Variants in KCNH8 observed in about 807,000 individuals in gnomAD.
KCNH8 encodes the protein potassium voltage-gated channel subfamily H member 8, also known as voltage-gated delayed rectifier potassium channel KCNH8.
In KCNH8, 70 loss-of-function variants were observed where a neutral mutation model predicts 103.6. The observed-to-expected ratio is 0.68, with a 90% CI of 0.56 to 0.82. The LOEUF (loss-of-function observed/expected upper bound fraction) is 0.82. KCNH8 is among the 40% of genes least tolerant of loss of function. The pLI is 0.00. For synonymous variants in KCNH8, 498 were observed against 489.4 expected (o/e 1.02, Z -0.23); for missense variants, 1,217 against 1,329.9 (o/e 0.92, Z 1.32).
At chr3:19,533,220 G>GAAA (rs1649998439) in intron 15 of KCNH8, among the ~76,000 whole-genome samples, 175 bp from the exon 16 acceptor site, 2 of 148,054 alleles carry the variant, frequency 1.4e-5, no homozygotes, top group East Asian at 2.0e-4. Flanking sequence ...AAAAAAAAAG[G>GAAA]AAAAAGAAAA....
intron 5 of KCNH8, among the ~76,000 whole-genome samples, chr3:19,358,936 GA>G (rs769855950): frequency 6.6e-6 from 1 of 151,558 alleles, no homozygotes; most frequent in Non-Finnish European, 1.5e-5. Context: ...AAGGAAATAT[GA>G]AATATTACTA....
At chr3:19,411,776 G>GACACAC (rs148081857) in intron 7 of KCNH8, among the ~76,000 whole-genome samples, 11 of 146,192 alleles carry the variant, frequency 7.5e-5, no homozygotes, top group African/African-American at 2.0e-4. Flanking sequence ...CACACACACA[G>GACACAC]ACACACACAC....
At chr3:19,244,947 A>T (rs1408483261) in intron 1 of KCNH8, among the ~76,000 whole-genome samples, 1 of 152,082 alleles carries the variant, frequency 6.6e-6, no homozygotes, top group Non-Finnish European at 1.5e-5. Flanking sequence ...GCTATGGAAA[A>T]GCTTTTTAGT....
chr3:19,478,088 T>C (rs2068013584), intron 11 of KCNH8, among the ~76,000 whole-genome samples: 1 of 152,156 alleles, frequency 6.6e-6, no homozygotes, highest in Admixed American at 6.6e-5. Context: ...GCAGAAAACA[T>C]AATTTTATTT....
chr3:19,272,322 A>G (rs531005472), intron 2 of KCNH8, among the ~76,000 whole-genome samples: 5 of 152,134 alleles, frequency 3.3e-5, no homozygotes, highest in African/African-American at 1.2e-4. Context: ...TATTCTGCCA[A>G]AAATATGAGA....
intron 1 of KCNH8, among the ~76,000 whole-genome samples, chr3:19,210,696 A>G (rs968439310): frequency 6.6e-6 from 1 of 152,126 alleles, no homozygotes; most frequent in Non-Finnish European, 1.5e-5. Context: ...AGTAAAAAAA[A>G]AAAATTTGAT....
At chr3:19,222,204 A>C (rs1489800384) in intron 1 of KCNH8, among the ~76,000 whole-genome samples, 1 of 152,210 alleles carries the variant, frequency 6.6e-6, no homozygotes, top group Non-Finnish European at 1.5e-5. Flanking sequence ...AGATTTTCAT[A>C]GCTCAAAAGC....
intron 7 of KCNH8, among the ~76,000 whole-genome samples, chr3:19,425,905 T>A (rs1472133399): frequency 6.6e-6 from 1 of 152,150 alleles, no homozygotes; most frequent in African/African-American, 2.4e-5. Context: ...GACAATTGTA[T>A]TTTTAAACAT....
At chr3:19,351,625 C>A (rs763621072) in intron 5 of KCNH8, among the ~76,000 whole-genome samples, 1 of 152,130 alleles carries the variant, frequency 6.6e-6, no homozygotes, top group South Asian at 2.1e-4. Flanking sequence ...ATTTTATATC[C>A]GGCCAAACTA....
chr3:19,521,961 A>G (rs1205519100), intron 15 of KCNH8, among the ~76,000 whole-genome samples: 1 of 151,894 alleles, frequency 6.6e-6, no homozygotes, highest in African/African-American at 2.4e-5. Context: ...AAGCATAACC[A>G]TATCTGCATT....
chr3:19,259,356 T>A (rs1471187152), intron 2 of KCNH8, among the ~76,000 whole-genome samples: 1 of 151,954 alleles, frequency 6.6e-6, no homozygotes, highest in Admixed American at 6.6e-5. Context: ...AAGCTTTTTT[T>A]AAATTAGAAA....
chr3:19,288,104 G>A (rs1447586765), intron 3 of KCNH8, among the ~76,000 whole-genome samples: 2 of 142,886 alleles, frequency 1.4e-5, no homozygotes, highest in Non-Finnish European at 3.0e-5. Context: ...CATAGTAAGT[G>A]TCCTTCCCTT....
intron 5 of KCNH8, among the ~76,000 whole-genome samples, chr3:19,376,256 G>A (rs191674680): frequency 1.2e-4 from 18 of 152,322 alleles, no homozygotes; most frequent in African/African-American, 4.3e-4. Context: ...GCGAGACTCT[G>A]TGGGCGTAGG....
intron 4 of KCNH8, among the ~76,000 whole-genome samples, chr3:19,347,013 A>T (rs919205989): frequency 2.0e-5 from 3 of 152,126 alleles, no homozygotes; most frequent in Non-Finnish European, 2.9e-5. Flanking sequence ...TCAGCTGCAC[A>T]GTGAACATTG....
intron 8 of KCNH8, among the ~76,000 whole-genome samples, chr3:19,448,697 A>G (rs1447350621): frequency 6.6e-6 from 1 of 152,056 alleles, no homozygotes; most frequent in Non-Finnish European, 1.5e-5. Flanking sequence ...CTTCTTGGGC[A>G]CTAAGGTTTT....
intron 7 of KCNH8, among the ~76,000 whole-genome samples, chr3:19,400,925 G>T (rs1183969132): frequency 6.6e-6 from 1 of 151,808 alleles, no homozygotes; most frequent in African/African-American, 2.4e-5. Context: ...TTTACATAAA[G>T]AATTATAAAA....
rs189488689 is a variant in KCNH8 at position 19,187,782 on chromosome 3, T to G, written c.76+38987T>G. The stretch of plus-strand genomic sequence containing the variant: ...TATTAAATATGTTTTAAATTGTACA[T>G]ATAATGTAATAGTTTTCCAGATAGT... On this transcript the variant is annotated intron_variant, in intron 1 of 15. Transcript: ENST00000328405. Among the ~76,000 whole-genome samples the G allele has an allele frequency of 5.7e-3, 866 of 152,220 alleles. 12 individuals carry two copies. The highest frequency in any genetic ancestry group is 0.019 in the African/African-American group (779 of 41,548).
chr3:19,477,757 ATCT>A (rs1464147238), intron 11 of KCNH8, among the ~76,000 whole-genome samples: 5 of 152,190 alleles, frequency 3.3e-5, no homozygotes, highest in East Asian at 1.9e-4. Context: ...TATCAAATAC[ATCT>A]TCTTCTTTAA....
intron 2 of KCNH8, among the ~76,000 whole-genome samples, chr3:19,260,943 C>T (rs886217933): frequency 1.4e-5 from 2 of 145,430 alleles, no homozygotes; most frequent in Non-Finnish European, 3.0e-5. Flanking sequence ...AGGATCTCCT[C>T]CTTTTTTAAG....
Sources: allele counts gnomAD v4.1 joint callset (sites outside exome capture counted in the v4.1 genomes callset), GRCh38; gene constraint gnomAD v4.1.1; transcripts MANE v1.5; gene names NCBI Gene and HGNC (gene_info 2026-07-23, HGNC 2026-07-21).